Variants in SLC3A1 observed in about 807,000 individuals in gnomAD.
The protein encoded by SLC3A1 is solute carrier family 3 member 1, also known as amino acid transporter heavy chain SLC3A1.
Under a neutral mutation model 60.3 loss-of-function variants are expected in SLC3A1, and 78 were observed. That is an observed-to-expected ratio of 1.29 (90% CI 1.08 to 1.56). The LOEUF is 1.56. Among genes scored for constraint, SLC3A1 ranks in the 40% most tolerant of loss-of-function variants. The probability of loss-of-function intolerance (pLI) is 0.00; values close to 1 mark genes in which losing one functional copy is unlikely to be tolerated. For synonymous variants in SLC3A1, 392 were observed against 307.9 expected (o/e 1.27, Z -2.86); for missense variants, 1,172 against 858.9 (o/e 1.36, Z -4.56).
chr2:44,319,533 G>A (rs1302521602), intron 9 of SLC3A1: 3 of 152,244 alleles, frequency 2.0e-5, no homozygotes, highest in Non-Finnish European at 4.4e-5. Context: ...AACAGAAAAT[G>A]CTTGAAAGGT....
At chr2:44,304,010 AG>A in intron 6 of SLC3A1, 132 bp from the exon 7 acceptor site, 1 of 760,204 alleles carries the variant, frequency 1.3e-6, no homozygotes, top group South Asian at 1.4e-5. Flanking sequence ...GCTTTCTAGA[AG>A]GTGCTAGTCC....
chr2:44,297,546 C>G (rs1671884867), intron 4 of SLC3A1, among the ~76,000 whole-genome samples: 1 of 152,224 alleles, frequency 6.6e-6, no homozygotes, highest in Non-Finnish European at 1.5e-5. Flanking sequence ...GCCCTGTAGG[C>G]AGAGGTGTCT....
chr2:44,289,922 C>T (rs927877390), intron 4 of SLC3A1, among the ~76,000 whole-genome samples: 8 of 151,960 alleles, frequency 5.3e-5, no homozygotes, highest in South Asian at 2.1e-4. Context: ...TGAGCCACTG[C>T]GCCTGGCCCA....
Position 44,304,813 on chromosome 2 carries a change from ATTTTT to A in SLC3A1, c.1332+498_1332+502del, listed in dbSNP as rs70965349. On this transcript the variant is annotated intron_variant, in intron 7 of 9. Coordinates refer to ENST00000260649, the MANE Select transcript of SLC3A1 (RefSeq NM_000341.4). ...CTTCTGTACTACACTCTTGAAAACA[ATTTTT>A]TTTTTTTTTTTTTTTTTTTTTTGAG... Among the ~76,000 whole-genome samples the A allele has an allele frequency of 9.5e-3, 816 of 85,856 alleles. 5 individuals carry two copies. Among genetic ancestry groups the A allele is most frequent in the African/African-American group, 0.032 (681 of 21,560 alleles). The allele number at this position is 85,856 out of a possible 152,430, so 56.3% of individuals were successfully genotyped here. A position where few individuals can be genotyped will look rare whatever the true frequency, so the allele number is the denominator to read the frequency against.
intron 3 of SLC3A1, among the ~76,000 whole-genome samples, chr2:44,284,358 G>A (rs1355195637): frequency 6.6e-6 from 1 of 152,236 alleles, no homozygotes; most frequent in East Asian, 1.9e-4. Flanking sequence ...GATTACAGGC[G>A]TGAGCCACCA....
At chr2:44,311,354 T>TAGTA (rs1330836909) in intron 7 of SLC3A1, among the ~76,000 whole-genome samples, 1 of 152,240 alleles carries the variant, frequency 6.6e-6, no homozygotes, top group Non-Finnish European at 1.5e-5. Flanking sequence ...AATCTTTGTC[T>TAGTA]AGTAAGTCCA....
At chr2:44,315,235 G>C (rs916208090) in intron 9 of SLC3A1, 1 of 151,930 alleles carries the variant, frequency 6.6e-6, no homozygotes, top group Non-Finnish European at 1.5e-5. Flanking sequence ...GAGCCACTAC[G>C]CCCAGCCAAC....
At chr2:44,309,412 G>A (rs1431146420) in intron 7 of SLC3A1, among the ~76,000 whole-genome samples, 1 of 152,172 alleles carries the variant, frequency 6.6e-6, no homozygotes. Context: ...TCTTATGACT[G>A]AATAACATTC....
chr2:44,280,094 A>G (rs984995332), intron 1 of SLC3A1, among the ~76,000 whole-genome samples: 4 of 152,142 alleles, frequency 2.6e-5, no homozygotes, highest in African/African-American at 9.7e-5. Context: ...CAGCTGGCAT[A>G]GATTAGCTGC....
intron 3 of SLC3A1, among the ~76,000 whole-genome samples, chr2:44,284,018 T>A (rs1344832965): frequency 6.6e-6 from 1 of 152,176 alleles, no homozygotes; most frequent in East Asian, 1.9e-4. Context: ...TTCCGTTTTT[T>A]TTATTATGAA....
Position 44,320,940 on chromosome 2 carries a change from T to C in SLC3A1, c.*301T>C. ...TAACGAATTTTAAGGGGAAGAATTT[T>C]ATCTTTTCCCTTAAAATGCAGTCAT... On this transcript the variant is annotated 3_prime_UTR_variant, in exon 10 of 10. Transcript: ENST00000260649. 2 of 425,278 alleles carry C rather than the reference T, an allele frequency of 4.7e-6. No homozygotes were observed. Among genetic ancestry groups the C allele is most frequent in the South Asian group, 5.0e-5 (2 of 39,750 alleles). The allele number at this position is 425,278 out of a possible 1,614,324, so 26.3% of individuals were successfully genotyped here.
At chr2:44,304,081 T>C in intron 6 of SLC3A1, 62 bp from the exon 7 acceptor site, 1 of 1,255,150 alleles carries the variant, frequency 8.0e-7, no homozygotes, top group Non-Finnish European at 1.2e-6. Context: ...TAAGCAGCTG[T>C]GGAGTGCCTT....
Position 44,275,582 on chromosome 2 carries a change from A to T in SLC3A1, c.47A>T (p.Lys16Met). The T allele has an allele frequency of 6.2e-7, 1 of 1,614,158 alleles. No homozygotes were observed. ...AGAGACTCCATCGAGATGAGTATGA[A>T]GGGATGCCAGACAAACAACGGGTTT... ...SKRDSIEMSM[K>M]GCQTNNGFVH... Residue 16 changes from lysine to methionine, a missense_variant, in exon 1 of 10, where the codon AAG becomes ATG. Coordinates refer to ENST00000260649, the MANE Select transcript of SLC3A1 (RefSeq NM_000341.4).
In SLC3A1 at chr2:44,320,835, T is replaced by C. The variant is rs945139684; in HGVS notation, c.*196T>C. The C allele has an allele frequency of 2.0e-5, 12 of 601,028 alleles. No individual in the cohort carries two copies. In the African/African-American group the frequency reaches 2.2e-4, roughly 11 times the overall value. The allele number at this position is 601,028 out of a possible 1,614,324, so 37.2% of individuals were successfully genotyped here. On this transcript the variant is annotated 3_prime_UTR_variant, in exon 10 of 10. Coordinates refer to ENST00000260649, the MANE Select transcript of SLC3A1 (RefSeq NM_000341.4). ...ATGTTTAAAAGTAAATTATGGCTTA[T>C]AGGAGCTTATAACTTTATTCAGATA...
intron 7 of SLC3A1, among the ~76,000 whole-genome samples, chr2:44,310,661 T>A (rs181902585): frequency 2.0e-5 from 3 of 152,264 alleles, no homozygotes; most frequent in African/African-American, 4.8e-5. Context: ...ACACAATTTT[T>A]AAAAAAATCA....
chr2:44,302,292 CTA>C (rs927550599), intron 6 of SLC3A1, among the ~76,000 whole-genome samples: 1 of 151,966 alleles, frequency 6.6e-6, no homozygotes, highest in Non-Finnish European at 1.5e-5. Flanking sequence ...GCAATAACCT[CTA>C]TAAGGCTGTT....
intron 9 of SLC3A1, chr2:44,314,815 G>A (rs1027467667): frequency 6.6e-6 from 1 of 151,384 alleles, no homozygotes; most frequent in Non-Finnish European, 1.5e-5. Context: ...TTCTCATTAT[G>A]TCTAAAATAT....
chr2:44,275,817 G>A lies in SLC3A1; in HGVS notation c.282G>A (p.Val94=). ...IPREILFWLT[V]ASVLVLIAAT... is the part of the protein sequence containing the mutation. ...GGGAGATCCTCTTCTGGCTCACAGT[G>A]GCTTCTGTGCTGGTGCTCATCGCGG... The change falls in exon 1 of 10, where the codon GTG becomes GTA. Residue 94 remains valine, a synonymous_variant. Transcript: ENST00000260649. 1.2e-6 allele frequency: 2 copies of A among 1,614,252 alleles called. No individual in the cohort carries two copies. The highest frequency in any genetic ancestry group is 1.3e-5 in the African/African-American group (1 of 75,070).
intron 4 of SLC3A1, among the ~76,000 whole-genome samples, chr2:44,290,035 A>C (rs866821739): frequency 8.6e-5 from 13 of 151,764 alleles, no homozygotes; most frequent in South Asian, 2.1e-4. Context: ...TTTTCTTCTC[A>C]GTTTCACAGT....
Sources: allele counts gnomAD v4.1 joint callset (sites outside exome capture counted in the v4.1 genomes callset), GRCh38; gene constraint gnomAD v4.1.1; transcripts MANE v1.5; gene names NCBI Gene and HGNC (gene_info 2026-07-23, HGNC 2026-07-21).